Variants in RIMS2 observed in about 807,000 individuals in gnomAD.
RIMS2 encodes the protein regulating synaptic membrane exocytosis protein 2.
A neutral mutation model predicts 174.4 loss-of-function variants in RIMS2; 59 were observed. That is an observed-to-expected ratio of 0.34 (90% CI 0.27 to 0.42). The LOEUF is 0.42. Among genes scored for constraint, RIMS2 ranks in the 10% least tolerant of loss-of-function variants. The pLI is 1.00. For synonymous variants in RIMS2, 606 were observed against 572.5 expected (o/e 1.06, Z -0.84); for missense variants, 1,620 against 1,666.3 (o/e 0.97, Z 0.48).
intron 14 of RIMS2, among the ~76,000 whole-genome samples, chr8:103,943,452 T>G (rs376661602): frequency 1.3e-5 from 2 of 152,168 alleles, no homozygotes; most frequent in African/African-American, 4.8e-5. Context: ...TGCCTCACTT[T>G]CTTTGTTTAT....
chr8:104,076,177 CCTGA>C (rs1283007909), intron 19 of RIMS2, among the ~76,000 whole-genome samples: 4 of 152,114 alleles, frequency 2.6e-5, no homozygotes, highest in Admixed American at 6.5e-5. Flanking sequence ...CTTATCAAGG[CCTGA>C]TTAAAGCCTT....
chr8:103,505,090 G>C (rs1241379134), intron 1 of RIMS2, among the ~76,000 whole-genome samples: 1 of 151,996 alleles, frequency 6.6e-6, no homozygotes. Flanking sequence ...CTGGGCTCAA[G>C]TGATCCTCCT....
intron 1 of RIMS2, among the ~76,000 whole-genome samples, chr8:103,589,630 A>G (rs748839808): frequency 1.3e-5 from 2 of 151,594 alleles, no homozygotes; most frequent in Admixed American, 6.6e-5. Context: ...CTGAACTCCT[A>G]TGTTTGTTGC....
At chr8:103,762,811 T>A (rs186370958) in intron 2 of RIMS2, among the ~76,000 whole-genome samples, 3 of 152,170 alleles carry the variant, frequency 2.0e-5, no homozygotes, top group Admixed American at 1.3e-4. Flanking sequence ...CTAGGCTAGA[T>A]GATATAGTCT....
In RIMS2 at chr8:104,147,247, C is replaced by T. The variant is rs190586732; in HGVS notation, c.3335-97669C>T. Among the ~76,000 whole-genome samples, 1,036 of 151,978 alleles carry T rather than the reference C, an allele frequency of 6.8e-3. 8 individuals carry two copies. Among genetic ancestry groups the T allele is most frequent in the Middle Eastern group, 0.034 (10 of 294 alleles). On this transcript the variant is annotated intron_variant, in intron 19 of 23. Transcript: ENST00000504942. Reference sequence around the variant, plus strand: ...CCCACCTGCGCCTTCTCTCTCTCTCCCTCGCACACACACACACTAACTCTC... The same window carrying T: ...CCCACCTGCGCCTTCTCTCTCTCTCTCTCGCACACACACACACTAACTCTC...
chr8:103,995,310 A>G (rs1596627348), intron 17 of RIMS2, among the ~76,000 whole-genome samples: 1 of 152,126 alleles, frequency 6.6e-6, no homozygotes, highest in South Asian at 2.1e-4. Context: ...ATTATCCTAT[A>G]TCAACTAATT....
At chr8:103,595,840 A>T (rs2094460076) in intron 1 of RIMS2, among the ~76,000 whole-genome samples, 1 of 151,956 alleles carries the variant, frequency 6.6e-6, no homozygotes, top group South Asian at 2.1e-4. Context: ...TTCCTCTTCG[A>T]TCCCATCCCA....
At chr8:103,879,311 G>A (rs188792907) in intron 3 of RIMS2, among the ~76,000 whole-genome samples, 3 of 151,384 alleles carry the variant, frequency 2.0e-5, no homozygotes, top group African/African-American at 2.4e-5. Context: ...ACTCACTGAG[G>A]GGGTAAAAGT....
intron 2 of RIMS2, among the ~76,000 whole-genome samples, chr8:103,697,756 G>A (rs768896104): frequency 6.6e-6 from 1 of 152,102 alleles, no homozygotes; most frequent in Non-Finnish European, 1.5e-5. Context: ...GCAGGGTGCG[G>A]TGGCTCAAAC....
intron 14 of RIMS2, among the ~76,000 whole-genome samples, chr8:103,949,142 A>G (rs1485678516): frequency 6.9e-6 from 1 of 144,014 alleles, no homozygotes; most frequent in African/African-American, 2.7e-5. Context: ...AAAAAAAAAA[A>G]AAAAAGGGAA....
At chr8:104,019,499 T>G (rs1195721796) in intron 19 of RIMS2, among the ~76,000 whole-genome samples, 1 of 152,156 alleles carries the variant, frequency 6.6e-6, no homozygotes, top group Non-Finnish European at 1.5e-5. Context: ...CATGGAAGCA[T>G]TCTCTCAATG....
At chr8:103,543,599 A>G (rs1478886552) in intron 1 of RIMS2, among the ~76,000 whole-genome samples, 1 of 152,188 alleles carries the variant, frequency 6.6e-6, no homozygotes, top group Admixed American at 6.5e-5. Flanking sequence ...ACCTGATTCT[A>G]AAATCTCCAA....
intron 19 of RIMS2, among the ~76,000 whole-genome samples, chr8:104,211,259 G>A (rs1405083140): frequency 6.6e-6 from 1 of 152,082 alleles, no homozygotes. Flanking sequence ...TAATATTTAT[G>A]AGAAAAAGAA....
At chr8:103,858,868 A>G (rs2099043123) in intron 3 of RIMS2, among the ~76,000 whole-genome samples, 1 of 152,024 alleles carries the variant, frequency 6.6e-6, no homozygotes, top group South Asian at 2.1e-4. Context: ...CATTTTACAA[A>G]GAAGGGGAAA....
At chr8:104,055,144 G>A (rs138126499) in intron 19 of RIMS2, among the ~76,000 whole-genome samples, 126 of 152,028 alleles carry the variant, frequency 8.3e-4, no homozygotes, top group African/African-American at 2.8e-3. Context: ...CTCATTTTTT[G>A]TGTGCCTCTT....
At chr8:104,013,254 T>G (rs1351472474) in intron 17 of RIMS2, among the ~76,000 whole-genome samples, 188 bp from the exon 20 acceptor site, 1 of 152,194 alleles carries the variant, frequency 6.6e-6, no homozygotes, top group Non-Finnish European at 1.5e-5. Context: ...AAAGGCAGAT[T>G]TTGGTTTTTT....
At chr8:104,130,154 C>T (rs2098463076) in intron 19 of RIMS2, among the ~76,000 whole-genome samples, 1 of 152,074 alleles carries the variant, frequency 6.6e-6, no homozygotes, top group African/African-American at 2.4e-5. Flanking sequence ...ACAAAATATC[C>T]AAATGCCATG....
intron 3 of RIMS2, among the ~76,000 whole-genome samples, chr8:103,834,742 T>TTCTCTCTCTCTC (rs780656073): frequency 1.7e-4 from 19 of 109,528 alleles, no homozygotes; most frequent in African/African-American, 8.1e-4. Flanking sequence ...CTTTCTTTCT[T>TTCTCTCTCTCTC]TCTCTCTCTT....
At chr8:103,588,848 G>T (rs2094110486) in intron 1 of RIMS2, among the ~76,000 whole-genome samples, 1 of 151,804 alleles carries the variant, frequency 6.6e-6, no homozygotes, top group African/African-American at 2.4e-5. Context: ...TATTGGTCTG[G>T]GCAAAAGTTT....
Sources: allele counts gnomAD v4.1 joint callset (sites outside exome capture counted in the v4.1 genomes callset), GRCh38; gene constraint gnomAD v4.1.1; transcripts MANE v1.5; gene names NCBI Gene and HGNC (gene_info 2026-07-23, HGNC 2026-07-21).